The following LGALS8 variants were observed in gnomAD, a reference collection of about 807,000 sequenced individuals.
The protein encoded by LGALS8 is galectin 8, also known as galectin-8.
Under a neutral mutation model 35.9 loss-of-function variants are expected in LGALS8, and 30 were observed. The ratio of observed to expected loss-of-function variants is 0.83; its 90% CI spans 0.62 to 1.13. LGALS8 has a LOEUF of 1.13. LGALS8 is among the 50% of genes most tolerant of loss of function. The pLI is 0.00. For synonymous variants in LGALS8, 138 were observed against 136.1 expected, an observed-to-expected ratio of 1.01 and a Z score of -0.10; for missense variants, 366 against 388.7, an observed-to-expected ratio of 0.94 and a Z score of 0.49.
rs539918365 is a variant in LGALS8, at chr1:236,542,100, T to C, written c.522+390T>C. On this transcript the variant is annotated intron_variant, in intron 6 of 9. Coordinates refer to ENST00000366584, the MANE Select transcript of LGALS8 (RefSeq NM_201544.4). Reference sequence around the variant, plus strand: ...GTTATTAATGGAGAAAGTGAGGTCTTACCGACTGGCACGTTCACACCTCAC... The same window carrying C: ...GTTATTAATGGAGAAAGTGAGGTCTCACCGACTGGCACGTTCACACCTCAC... Among the ~76,000 whole-genome samples, 30 of 152,332 alleles carry C rather than the reference T, an allele frequency of 2.0e-4. No homozygotes were observed. In the Middle Eastern group the frequency reaches 0.01, roughly 52 times the overall value.
At chr1:236,524,456 GTTTCC>G (rs1296132302) in intron 1 of LGALS8, 2 of 456,562 alleles carry the variant, frequency 4.4e-6, no homozygotes, top group Non-Finnish European at 4.4e-6. Flanking sequence ...ATCTGGGGAA[GTTTCC>G]TTCCCGGAAT....
chr1:236,546,161 G>C (rs1262596609), intron 9 of LGALS8, among the ~76,000 whole-genome samples: 1 of 152,212 alleles, frequency 6.6e-6, no homozygotes, highest in African/African-American at 2.4e-5. Context: ...ATACCATTAG[G>C]ATTAGGTGAA....
At chr1:236,531,867 A>C (rs2103076510) in intron 2 of LGALS8, among the ~76,000 whole-genome samples, 1 of 152,220 alleles carries the variant, frequency 6.6e-6, no homozygotes, top group Admixed American at 6.5e-5. Flanking sequence ...TTGCGGTGAA[A>C]GGATATAGAG....
At position 236,543,069 on chromosome 1, in the gene LGALS8, CTA is replaced by C. The variant is rs758414766; in HGVS notation, c.549+287_549+288del. On this transcript the variant is annotated intron_variant, in intron 7 of 9. Transcript: ENST00000366584. ...TGAAGAGCACCAAATTTTCTTAACT[CTA>C]TATAAAAATTAAGTTGTAATGAGCT... is the stretch of plus-strand genomic sequence containing the variant. The C allele has an allele frequency of 2.8e-5, 45 of 1,604,204 alleles. No individual in the cohort carries two copies. The South Asian group carries it at 5.0e-4, about 18-fold the overall frequency.
chr1:236,524,679 G>A, intron 1 of LGALS8: 1 of 324,044 alleles, frequency 3.1e-6, no homozygotes, highest in Non-Finnish European at 6.2e-6. Context: ...TACTTCGGGG[G>A]TTGCGTGATT....
rs113103672 is a variant in LGALS8 at position 236,547,013 on chromosome 1, T to TATTA, written c.805-997_805-996insTAAT. 3.9e-3 allele frequency among the ~76,000 whole-genome samples: 586 copies of TATTA among 151,884 alleles called. 2 individuals are homozygous for TATTA. The highest frequency in any genetic ancestry group is 0.013 in the African/African-American group (559 of 41,430). On this transcript the variant is annotated intron_variant, in intron 9 of 9. Coordinates refer to ENST00000366584, the MANE Select transcript of LGALS8 (RefSeq NM_201544.4). ...CCTTGACAGTCCTTTCCACTGCTCC[T>TATTA]ATCAAAAGAATGGAAACCCTCAACT...
At position 236,541,763 on chromosome 1, in the gene LGALS8, G is replaced by A. The variant is rs536568471; in HGVS notation, c.522+53G>A. The A allele has an allele frequency of 2.0e-5, 19 of 931,332 alleles. No individual in the cohort carries two copies. In the African/African-American group the frequency reaches 3.3e-4, roughly 16 times the overall value. The allele number at this position is 931,332 out of a possible 1,614,324, so 57.7% of individuals were successfully genotyped here. A position where few individuals can be genotyped will look rare whatever the true frequency, so the allele number is the denominator to read the frequency against. On this transcript the variant is annotated intron_variant, in intron 6 of 9. Transcript: ENST00000366584. Reference sequence around the variant, plus strand: ...CTGGTTTAAAAATGTTGTTTTAGCTGCCATGTTAATGAAATGGCAAGAAGG... The same window carrying A: ...CTGGTTTAAAAATGTTGTTTTAGCTACCATGTTAATGAAATGGCAAGAAGG...
In LGALS8 at chr1:236,548,172, C is replaced by T. The variant is rs1208718350; in HGVS notation, c.*11C>T. The T allele has an allele frequency of 3.7e-6, 6 of 1,608,504 alleles. No individual in the cohort carries two copies. The highest frequency in any genetic ancestry group is 1.7e-5 in the Admixed American group (1 of 59,226). On this transcript the variant is annotated 3_prime_UTR_variant, in exon 10 of 10. Coordinates refer to ENST00000366584, the MANE Select transcript of LGALS8 (RefSeq NM_201544.4). ...GTAAGGAGCTGGTAGCCTACCTACACAGCTGCTACAAAAACCAAAATACAG... is the reference window on the plus strand; with the variant it reads ...GTAAGGAGCTGGTAGCCTACCTACATAGCTGCTACAAAAACCAAAATACAG...
In LGALS8 at chr1:236,548,669, C is replaced by T. The variant is rs1355994164; in HGVS notation, c.*508C>T. The T allele has an allele frequency of 2.5e-5, 9 of 355,754 alleles. No homozygotes were observed. Among genetic ancestry groups the T allele is most frequent in the African/African-American group, 1.5e-4 (7 of 47,786 alleles). The allele number at this position is 355,754 out of a possible 1,614,324, so 22.0% of individuals were successfully genotyped here. ...TTAGTTATGCAGATATTAAATCACCCGAAGACACTAACTTACAGAAGACAC... is the reference window on the plus strand; with the variant it reads ...TTAGTTATGCAGATATTAAATCACCTGAAGACACTAACTTACAGAAGACAC... On this transcript the variant is annotated 3_prime_UTR_variant, in exon 10 of 10. Coordinates refer to ENST00000366584, the MANE Select transcript of LGALS8 (RefSeq NM_201544.4).
At position 236,548,400 on chromosome 1, in the gene LGALS8, T is replaced by C; in HGVS notation, c.*239T>C. The C allele has an allele frequency of 2.0e-6, 1 of 493,588 alleles. No individual in the cohort carries two copies. The highest frequency in any genetic ancestry group is 3.6e-6 in the Non-Finnish European group (1 of 276,016). The allele number at this position is 493,588 out of a possible 1,614,324, so 30.6% of individuals were successfully genotyped here. On this transcript the variant is annotated 3_prime_UTR_variant, in exon 10 of 10. Coordinates refer to ENST00000366584, the MANE Select transcript of LGALS8 (RefSeq NM_201544.4). ...GTTAAAGCCACTCTGCCCTCTCTCC[T>C]ACTTTGGCTGACTCTTCAAGAATGC...
chr1:236,535,061 A>AG (rs1661392639), intron 2 of LGALS8, among the ~76,000 whole-genome samples: 1 of 23,694 alleles, frequency 4.2e-5, no homozygotes, highest in African/African-American at 1.4e-4. Flanking sequence ...ACTCTGTCTC[A>AG]AAAAAAAAAA....
At chr1:236,535,956 T>G (rs934544152) in intron 2 of LGALS8, among the ~76,000 whole-genome samples, 2 of 152,216 alleles carry the variant, frequency 1.3e-5, no homozygotes, top group Non-Finnish European at 2.9e-5. Flanking sequence ...GATCGTCTCT[T>G]GACCTGTGTC....
Position 236,526,686 on chromosome 1 carries a change from A to G in LGALS8, c.45+571A>G, listed in dbSNP as rs1660834095. Among the ~76,000 whole-genome samples the G allele has an allele frequency of 6.6e-6, 1 of 152,106 alleles. No homozygotes were observed. Among genetic ancestry groups the G allele is most frequent in the Non-Finnish European group, 1.5e-5 (1 of 68,010 alleles). ...TCCTGAGCAGTAAAGAGCTTGTTTT[A>G]GTTTTATGTGGTGGTGAGAATCTTT... On this transcript the variant is annotated intron_variant, in intron 2 of 9. Transcript: ENST00000366584. The surrounding 1 kb of genome is among the most constrained non-coding windows in gnomAD (Gnocchi z 4.6).
intron 2 of LGALS8, among the ~76,000 whole-genome samples, chr1:236,532,367 ATTTC>A (rs1229709505): frequency 1.3e-5 from 2 of 151,684 alleles, no homozygotes; most frequent in Admixed American, 6.6e-5. Flanking sequence ...CTGCTTTTCG[ATTTC>A]TTTATCTACT....
At chr1:236,538,436 T>A (rs35170873) in intron 3 of LGALS8, among the ~76,000 whole-genome samples, 92,697 of 151,828 alleles carry the variant, frequency 0.61, 29,182 homozygotes, top group Non-Finnish European at 0.69. Flanking sequence ...CTTTCCCGTT[T>A]TCCTTGGCAG....
intron 2 of LGALS8, among the ~76,000 whole-genome samples, chr1:236,529,969 A>T (rs971324951): frequency 6.6e-6 from 1 of 152,130 alleles, no homozygotes; most frequent in Non-Finnish European, 1.5e-5. Context: ...TTTTCTTTCT[A>T]TTGAATTTGA....
chr1:236,536,074 A>C (rs1485277464), intron 2 of LGALS8: 2 of 152,250 alleles, frequency 1.3e-5, no homozygotes, highest in African/African-American at 4.8e-5. Context: ...ACCCTCTGAG[A>C]GGGGCTGACT....
Position 236,551,349 on chromosome 1 carries a change from A to G in LGALS8, c.*3188A>G, listed in dbSNP as rs994646777. 1.5e-5 allele frequency: 3 copies of G among 203,978 alleles called. No homozygotes were observed. Among genetic ancestry groups the G allele is most frequent in the Non-Finnish European group, 3.0e-5 (3 of 101,306 alleles). 12.6% of individuals were successfully genotyped at this position (203,978 alleles called of 1,614,324 possible). Reference sequence around the variant, plus strand: ...CAATGAATCAGTAAAGGACTGATCTACTTGCTCCACCACCCCTCCCTTAAT... The same window carrying G: ...CAATGAATCAGTAAAGGACTGATCTGCTTGCTCCACCACCCCTCCCTTAAT... On this transcript the variant is annotated 3_prime_UTR_variant, in exon 10 of 10. Transcript: ENST00000366584.
intron 9 of LGALS8, among the ~76,000 whole-genome samples, chr1:236,547,747 G>C (rs1662470561): frequency 6.6e-6 from 1 of 152,150 alleles, no homozygotes; most frequent in African/African-American, 2.4e-5. Flanking sequence ...GCTGTGTTGA[G>C]GAAAGGAGGG....
Sources: allele counts gnomAD v4.1 joint callset (sites outside exome capture counted in the v4.1 genomes callset), GRCh38; gene constraint gnomAD v4.1.1; non-coding constraint Gnocchi (gnomAD v3.1); transcripts MANE v1.5; gene names NCBI Gene and HGNC (gene_info 2026-07-23, HGNC 2026-07-21).